The following AAK1 variants were observed in gnomAD, a reference collection of about 807,000 sequenced individuals.
AAK1 encodes AP2-associated protein kinase 1.
AAK1 carries 37 observed loss-of-function variants against 116.0 expected under a neutral mutation model. The ratio of observed to expected loss-of-function variants is 0.32; its 90% CI spans 0.25 to 0.42. The LOEUF (loss-of-function observed/expected upper bound fraction) is 0.42, where lower values mean the gene tolerates loss of function less well. Among genes scored for constraint, AAK1 ranks in the 10% least tolerant of loss-of-function variants. The pLI is 1.00. For synonymous variants in AAK1, 458 were observed against 439.9 expected (o/e 1.04, Z -0.51); for missense variants, 919 against 1,170.6 (o/e 0.79, Z 3.14).
chr2:69,483,044 T>A (rs562502164), intron 17 of AAK1, among the ~76,000 whole-genome samples: 1 of 152,338 alleles, frequency 6.6e-6, no homozygotes, highest in South Asian at 2.1e-4. Flanking sequence ...TTCAAGATGC[T>A]GTCCTGGGTG....
At chr2:69,614,926 G>C (rs1674256002) in intron 2 of AAK1, among the ~76,000 whole-genome samples, 1 of 152,100 alleles carries the variant, frequency 6.6e-6, no homozygotes, top group African/African-American at 2.4e-5. Flanking sequence ...TTCTCCCCTG[G>C]AGCTTTTGAG....
rs35387178 is a variant in AAK1 at position 69,485,958 on chromosome 2, CT to C, written c.2366-3147del. Among the ~76,000 whole-genome samples, 638 of 143,920 alleles carry C rather than the reference CT, an allele frequency of 4.4e-3. 3 individuals are homozygous for C. Among genetic ancestry groups the C allele is most frequent in the African/African-American group, 9.4e-3 (373 of 39,502 alleles). The allele number at this position is 143,920 out of a possible 152,430, so 94.4% of individuals were successfully genotyped here. A position where few individuals can be genotyped will look rare whatever the true frequency, so the allele number is the denominator to read the frequency against. On this transcript the variant is annotated intron_variant, in intron 17 of 21. Transcript: ENST00000409085. ...ACAGATGTGAGTCACTGAGCCTGGC[CT>C]TTTTTTTTTTTAAGAGACAGGATAG...
chr2:69,637,280 T>C (rs1477372884), intron 2 of AAK1, among the ~76,000 whole-genome samples: 3 of 152,212 alleles, frequency 2.0e-5, no homozygotes, highest in Non-Finnish European at 4.4e-5. Flanking sequence ...ATTGTTGCCT[T>C]GGGTCTGTTC....
At chr2:69,499,560 C>T (rs925548049) in intron 16 of AAK1, among the ~76,000 whole-genome samples, 3 of 152,186 alleles carry the variant, frequency 2.0e-5, no homozygotes, top group Non-Finnish European at 4.4e-5. Context: ...TGTAGTGACA[C>T]CCACCACTTA....
chr2:69,527,895 GA>G (rs1203033042), intron 8 of AAK1, among the ~76,000 whole-genome samples: 11 of 152,118 alleles, frequency 7.2e-5, no homozygotes, highest in South Asian at 2.1e-4. Context: ...TCCTCAGGGG[GA>G]AAAAAAATTA....
In AAK1 at chr2:69,530,196, T is replaced by G; in HGVS notation, c.739-56A>C. On this transcript the variant is annotated intron_variant, in intron 7 of 21. Transcript: ENST00000409085. Reference sequence around the variant, plus strand: ...GTGGCTTATTTATCATGACTCTAAATGGATCTAATGAGAAACTGGCACCAT... The same window carrying G: ...GTGGCTTATTTATCATGACTCTAAAGGGATCTAATGAGAAACTGGCACCAT... The G allele has an allele frequency of 3.9e-6, 6 of 1,523,846 alleles. No homozygotes were observed. The South Asian group carries it at 7.7e-5, about 20-fold the overall frequency. The allele number at this position is 1,523,846 out of a possible 1,614,324, so 94.4% of individuals were successfully genotyped here. A position where few individuals can be genotyped will look rare whatever the true frequency, so the allele number is the denominator to read the frequency against.
chr2:69,493,844 G>A (rs918827928), intron 17 of AAK1, among the ~76,000 whole-genome samples: 1 of 152,172 alleles, frequency 6.6e-6, no homozygotes, highest in African/African-American at 2.4e-5. Flanking sequence ...TTTCCAAGCT[G>A]AGCACCAGCA....
chr2:69,611,555 C>G (rs1042219598), intron 2 of AAK1, among the ~76,000 whole-genome samples: 6 of 152,188 alleles, frequency 3.9e-5, no homozygotes, highest in Non-Finnish European at 7.3e-5. Flanking sequence ...TGGGACTTTG[C>G]CTTGTAATTT....
At position 69,461,617 on chromosome 2, in the gene AAK1, G is replaced by A. The variant is rs1388966350; in HGVS notation, c.*14252C>T. ...ACAATTTTTTTTTTTTTTTTGAGGC[G>A]GAGTTTTGCTCTTCTCGCCCAGGCT... On this transcript the variant is annotated 3_prime_UTR_variant, in exon 22 of 22. Transcript: ENST00000409085. The A allele has an allele frequency of 1.5e-5, 6 of 407,452 alleles. No individual in the cohort carries two copies. Among genetic ancestry groups the A allele is most frequent in the Non-Finnish European group, 2.4e-5 (5 of 209,952 alleles). 25.2% of individuals were successfully genotyped at this position (407,452 alleles called of 1,614,324 possible). A position where few individuals can be genotyped will look rare whatever the true frequency, so the allele number is the denominator to read the frequency against.
chr2:69,476,732 C>G, intron 21 of AAK1, 148 bp downstream of exon 21: 1 of 591,702 alleles, frequency 1.7e-6, no homozygotes, highest in Non-Finnish European at 3.0e-6. Context: ...CTATCTATCT[C>G]TATTGGTCCA....
chr2:69,509,877 T>C (rs1199176646), intron 13 of AAK1, among the ~76,000 whole-genome samples: 1 of 152,140 alleles, frequency 6.6e-6, no homozygotes, highest in African/African-American at 2.4e-5. Flanking sequence ...ATAGATCCTA[T>C]CACTACAGGT....
At chr2:69,487,787 CT>C (rs1177565486) in intron 17 of AAK1, among the ~76,000 whole-genome samples, 6,042 of 122,736 alleles carry the variant, frequency 0.049, 265 homozygotes, top group East Asian at 0.18. Context: ...TGTTTGTTTG[CT>C]TTTTTTTTTT....
At chr2:69,557,094 C>A in intron 2 of AAK1, 116 bp from the exon 3 acceptor site, 3 of 723,426 alleles carry the variant, frequency 4.1e-6, no homozygotes, top group Middle Eastern at 4.7e-4. Flanking sequence ...CCACTGCCAG[C>A]CAGCCTTTAG....
rs750921535 is a variant in AAK1 at position 69,469,689 on chromosome 2, T to C, written c.*6180A>G. ...AGTCTGCACAGGGTCTTACTTATCA[T>C]AGAGCCTAACGTAGGGTTTTGTTAT... On this transcript the variant is annotated 3_prime_UTR_variant, in exon 22 of 22. Coordinates refer to ENST00000409085, the MANE Select transcript of AAK1 (RefSeq NM_014911.5). 1.2e-5 allele frequency: 12 copies of C among 985,460 alleles called. No homozygotes were observed. Among genetic ancestry groups the C allele is most frequent in the Non-Finnish European group, 1.4e-5 (12 of 829,940 alleles). 61.0% of individuals were successfully genotyped at this position (985,460 alleles called of 1,614,324 possible).
In AAK1 at chr2:69,461,409, A is replaced by T. The variant is rs995103291; in HGVS notation, c.*14460T>A. Reference sequence around the variant, plus strand: ...CTGTATTTTTTTTTCTCTTTAAGGAAATAAGACCCTACTGTAATACAAGTC... The same window carrying T: ...CTGTATTTTTTTTTCTCTTTAAGGATATAAGACCCTACTGTAATACAAGTC... On this transcript the variant is annotated 3_prime_UTR_variant, in exon 22 of 22. Coordinates refer to ENST00000409085, the MANE Select transcript of AAK1 (RefSeq NM_014911.5). 4 of 230,388 alleles carry T rather than the reference A, an allele frequency of 1.7e-5. No homozygotes were observed. The highest frequency in any genetic ancestry group is 9.5e-5 in the African/African-American group (4 of 41,898). The allele number at this position is 230,388 out of a possible 1,614,324, so 14.3% of individuals were successfully genotyped here.
chr2:69,579,478 C>G (rs958742669), intron 2 of AAK1, among the ~76,000 whole-genome samples: 3 of 152,144 alleles, frequency 2.0e-5, no homozygotes, highest in Middle Eastern at 3.2e-3. Context: ...ACTCAGGAGA[C>G]TGAGGTGGGA....
intron 2 of AAK1, among the ~76,000 whole-genome samples, chr2:69,605,763 C>T (rs943619064): frequency 6.6e-6 from 1 of 152,174 alleles, no homozygotes; most frequent in African/African-American, 2.4e-5. Context: ...CCAAAAAGAT[C>T]CCTTATGCTG....
intron 4 of AAK1, 114 bp from the exon 5 acceptor site, chr2:69,542,779 T>C (rs1313535124): frequency 2.6e-6 from 3 of 1,167,952 alleles, no homozygotes; most frequent in Non-Finnish European, 3.6e-6. Flanking sequence ...GTAACAGAGC[T>C]GACCACTGAC....
At chr2:69,543,702 G>A (rs6753834) in intron 4 of AAK1, among the ~76,000 whole-genome samples, 9,193 of 152,164 alleles carry the variant, frequency 0.06, 873 homozygotes, top group African/African-American at 0.21. Flanking sequence ...CACCGCGCCC[G>A]GCCTATGGAT....
Sources: gnomAD v4.1 joint callset for allele counts (sites outside exome capture counted in the v4.1 genomes callset) on GRCh38, gnomAD v4.1.1 for gene constraint, MANE v1.5 for transcripts, NCBI Gene and HGNC (gene_info 2026-07-23, HGNC 2026-07-21) for gene names.